OTOGL: variants seen among roughly 807,000 people sequenced by gnomAD.
The protein encoded by OTOGL is otogelin like.
OTOGL carries 285 observed loss-of-function variants against 318.5 expected under a neutral mutation model. The ratio of observed to expected loss-of-function variants is 0.89; its 90% CI spans 0.81 to 0.99. OTOGL has a LOEUF of 0.99. OTOGL is among the 50% of genes least tolerant of loss of function. The pLI, the probability that OTOGL is intolerant of heterozygous loss-of-function variation, is 0.00. For missense variants in OTOGL, 2,899 were observed against 2,845.6 expected, an observed-to-expected ratio of 1.02 and a Z score of -0.43; for synonymous variants, 987 against 936.5, an observed-to-expected ratio of 1.05 and a Z score of -0.99.
In OTOGL at chr12:80,353,363, G is replaced by A; in HGVS notation, c.5446G>A (p.Val1816Met). Residue 1816 changes from valine to methionine, a missense_variant, in exon 46 of 59, where the codon GTG becomes ATG. Physicochemically the swap from Val to Met is conservative, Grantham distance 21 (BLOSUM62 1). Coordinates refer to ENST00000547103, the MANE Select transcript of OTOGL (RefSeq NM_001378609.3). ...AGAGGGGAAGGAATATCAACCCTGT[G>A]TGCGACCTTGTGAAGCAAGAACATG... ...CPEGKEYQPC[V>M]RPCEARTCLN... 6.3e-7 allele frequency: 1 copy of A among 1,598,110 alleles called. No individual in the cohort carries two copies.
intron 14 of OTOGL, 142 bp from the exon 15 acceptor site, chr12:80,254,381 TA>T (rs1881838333): frequency 4.5e-6 from 2 of 439,646 alleles, no homozygotes; most frequent in African/African-American, 2.1e-5. Flanking sequence ...TATTTTATTT[TA>T]TTTTTTGCAG....
intron 1 of OTOGL, among the ~76,000 whole-genome samples, chr12:80,101,076 T>C (rs905963929): frequency 1.3e-5 from 2 of 152,150 alleles, no homozygotes; most frequent in Admixed American, 6.5e-5. Flanking sequence ...CAATGAAAGG[T>C]AAAATGAAAA....
At chr12:80,133,548 G>A (rs1871364059) in intron 1 of OTOGL, 1 of 151,902 alleles carries the variant, frequency 6.6e-6, no homozygotes, top group Non-Finnish European at 1.5e-5. Flanking sequence ...TTGGCCTAAG[G>A]AAGATAAGAG....
At chr12:80,206,466 A>G (rs781391454) in intron 1 of OTOGL, among the ~76,000 whole-genome samples, 1 of 152,136 alleles carries the variant, frequency 6.6e-6, no homozygotes, top group Non-Finnish European at 1.5e-5. Context: ...TGCTCTATCT[A>G]TAAAATAGTA....
chr12:80,293,084 T>C (rs1245659915), intron 26 of OTOGL, among the ~76,000 whole-genome samples: 1 of 152,188 alleles, frequency 6.6e-6, no homozygotes, highest in Non-Finnish European at 1.5e-5. Context: ...ATTCAAATAT[T>C]TTAAAAAGCT....
In OTOGL at chr12:80,256,376, C is replaced by T. The variant is rs1358600731; in HGVS notation, c.1627C>T (p.Leu543=). 6.3e-7 allele frequency: 1 copy of T among 1,595,844 alleles called. No homozygotes were observed. The highest frequency in any genetic ancestry group is 1.1e-5 in the South Asian group (1 of 90,608). The change falls in exon 17 of 59, where the codon CTG becomes TTG. Residue 543 remains leucine, a synonymous_variant. Transcript: ENST00000547103. ...CTGCCTTCAGTCTATAACTCTGATT[C>T]TGGAGGATGATTTTAACAAACAAGT... ...LVCLQSITLI[L]EDDFNKQVTL... is the part of the protein sequence containing the mutation.
intron 1 of OTOGL, among the ~76,000 whole-genome samples, chr12:80,187,907 C>T (rs957833091): frequency 6.6e-6 from 1 of 152,100 alleles, no homozygotes; most frequent in Admixed American, 6.5e-5. Flanking sequence ...AGAAGGTCAC[C>T]GGATTGCTGC....
rs185733431 is a variant in OTOGL at position 80,171,951 on chromosome 12, G to A, written c.-19-37462G>A. On this transcript the variant is annotated intron_variant, in intron 1 of 58. Transcript: ENST00000547103. Reference sequence around the variant, plus strand: ...TTAGTTTGCTCTTCTAGTATCTTACGGTGAAAATTAGACCTTTCTTCTTTT... The same window carrying A: ...TTAGTTTGCTCTTCTAGTATCTTACAGTGAAAATTAGACCTTTCTTCTTTT... Among the ~76,000 whole-genome samples, 58 of 151,784 alleles carry A rather than the reference G, an allele frequency of 3.8e-4. 1 individual carries two copies. Among genetic ancestry groups the A allele is most frequent in the African/African-American group, 1.3e-3 (53 of 41,384 alleles).
At chr12:80,352,778 A>G (rs1453216649) in intron 45 of OTOGL, among the ~76,000 whole-genome samples, 1 of 152,206 alleles carries the variant, frequency 6.6e-6, no homozygotes, top group Non-Finnish European at 1.5e-5. Context: ...TTATAACCCC[A>G]CCATCTGAGC....
chr12:80,354,538 A>C (rs1477726485), intron 46 of OTOGL, among the ~76,000 whole-genome samples: 1 of 152,172 alleles, frequency 6.6e-6, no homozygotes, highest in Non-Finnish European at 1.5e-5. Flanking sequence ...AAAGTGCAAA[A>C]TTGAGATGAT....
intron 11 of OTOGL, 52 bp downstream of exon 11, chr12:80,239,491 G>C: frequency 2.4e-6 from 3 of 1,257,688 alleles, no homozygotes; most frequent in Non-Finnish European, 3.4e-6. Context: ...GCAAAAAGAA[G>C]ACCCACAACT....
intron 9 of OTOGL, among the ~76,000 whole-genome samples, chr12:80,238,199 A>G (rs530393163): frequency 6.6e-6 from 1 of 152,316 alleles, no homozygotes; most frequent in South Asian, 2.1e-4. Flanking sequence ...CCTGAGATTA[A>G]TGCTGGATTA....
chr12:80,186,659 C>A (rs938178492), intron 1 of OTOGL, among the ~76,000 whole-genome samples: 4 of 152,082 alleles, frequency 2.6e-5, no homozygotes, highest in African/African-American at 9.7e-5. Context: ...AAACACATGG[C>A]AATGTTTTAA....
chr12:80,329,049 A>C lies in OTOGL; in HGVS notation c.4280-2A>C, dbSNP rs760411947. Reference sequence around the variant, plus strand: ...ATAAAGAGCACCTTTGTTTCTTTGTAGGTATACCTGTGATTCCCACAGAAC... The same window carrying C: ...ATAAAGAGCACCTTTGTTTCTTTGTCGGTATACCTGTGATTCCCACAGAAC... On this transcript the variant is annotated splice_acceptor_variant, in intron 36 of 58. Transcript: ENST00000547103. LOFTEE classifies it high-confidence loss of function. 1 of 1,587,328 alleles carries C rather than the reference A, an allele frequency of 6.3e-7. No homozygotes were observed. Among genetic ancestry groups the C allele is most frequent in the South Asian group, 1.2e-5 (1 of 85,068 alleles).
intron 1 of OTOGL, among the ~76,000 whole-genome samples, chr12:80,193,348 T>C (rs534537586): frequency 1.2e-4 from 19 of 152,202 alleles, no homozygotes; most frequent in Non-Finnish European, 2.6e-4. Flanking sequence ...AAACCCCATC[T>C]GTACTAAAAA....
intron 1 of OTOGL, among the ~76,000 whole-genome samples, chr12:80,114,668 A>G (rs368389467): frequency 1.3e-5 from 2 of 151,994 alleles, no homozygotes; most frequent in East Asian, 1.9e-4. Context: ...TGGTATTGCT[A>G]GGTTGGGGAA....
chr12:80,311,686 C>T (rs1003734198), intron 30 of OTOGL, among the ~76,000 whole-genome samples: 5 of 152,146 alleles, frequency 3.3e-5, no homozygotes, highest in African/African-American at 7.2e-5. Flanking sequence ...GGATTACAGG[C>T]GTGAACCACT....
At chr12:80,271,177 A>G (rs940927691) in intron 23 of OTOGL, among the ~76,000 whole-genome samples, 2 of 152,104 alleles carry the variant, frequency 1.3e-5, no homozygotes, top group Admixed American at 1.3e-4. Context: ...CTCACAGAGG[A>G]ACCCACGGGA....
At chr12:80,343,386 G>A (rs1888907847) in intron 44 of OTOGL, 1 of 151,324 alleles carries the variant, frequency 6.6e-6, no homozygotes, top group Non-Finnish European at 1.5e-5. Flanking sequence ...TCCCATATAT[G>A]TTAAATCATC....
Sources: allele counts gnomAD v4.1 joint callset (sites outside exome capture counted in the v4.1 genomes callset), GRCh38; gene constraint gnomAD v4.1.1; transcripts MANE v1.5; gene names NCBI Gene and HGNC (gene_info 2026-07-23, HGNC 2026-07-21).